Variants in ANK3 observed in about 807,000 individuals in gnomAD.
The protein encoded by ANK3 is ankyrin-3.
ANK3 carries 57 observed loss-of-function variants against 370.9 expected under a neutral mutation model. The ratio of observed to expected loss-of-function variants is 0.15; its 90% CI spans 0.12 to 0.19. The LOEUF (loss-of-function observed/expected upper bound fraction) is 0.19. ANK3 is among the 10% of genes least tolerant of loss of function. ANK3 has a pLI of 1.00. For synonymous variants in ANK3, 1,929 were observed against 1,946.3 expected (o/e 0.99, Z 0.23); for missense variants, 4,439 against 5,302.1 (o/e 0.84, Z 5.06).
intron 7 of ANK3, among the ~76,000 whole-genome samples, chr10:60,261,097 T>C (rs912597857): frequency 6.6e-6 from 1 of 152,156 alleles, no homozygotes; most frequent in African/African-American, 2.4e-5. Context: ...TATTATCTCA[T>C]CTTATAAATG....
intron 28 of ANK3, among the ~76,000 whole-genome samples, chr10:60,099,946 T>G (rs937533829): frequency 6.8e-6 from 1 of 147,996 alleles, no homozygotes. Context: ...GTGCCTGATA[T>G]GGGGGGTGGG....
At chr10:60,594,347 A>C (rs2077958259) in intron 2 of ANK3, among the ~76,000 whole-genome samples, 1 of 152,210 alleles carries the variant, frequency 6.6e-6, no homozygotes, top group South Asian at 2.1e-4. Flanking sequence ...CATACTAGGC[A>C]ACAGTTATTA....
At chr10:60,710,117 T>G (rs951315203) in intron 1 of ANK3, among the ~76,000 whole-genome samples, 11 of 152,280 alleles carry the variant, frequency 7.2e-5, no homozygotes, top group African/African-American at 2.4e-4. Context: ...TTTATGGTAT[T>G]GCACTAACCA....
At chr10:60,174,645 A>G (rs1257505430) in intron 18 of ANK3, among the ~76,000 whole-genome samples, 3 of 152,214 alleles carry the variant, frequency 2.0e-5, no homozygotes, top group Non-Finnish European at 4.4e-5. Flanking sequence ...AAATTCTTTG[A>G]GATTTTAGTC....
chr10:60,171,301 G>T (rs2095787614), intron 21 of ANK3, among the ~76,000 whole-genome samples: 1 of 152,122 alleles, frequency 6.6e-6, no homozygotes, highest in African/African-American at 2.4e-5. Flanking sequence ...TAATCAGCAG[G>T]CTTGTTTTTT....
intron 1 of ANK3, among the ~76,000 whole-genome samples, chr10:60,704,471 G>A (rs1157593613): frequency 6.6e-6 from 1 of 152,014 alleles, no homozygotes; most frequent in Non-Finnish European, 1.5e-5. Flanking sequence ...AAAAAAACAA[G>A]TATCTGAGAA....
intron 2 of ANK3, among the ~76,000 whole-genome samples, chr10:60,395,648 C>G (rs868702585): frequency 5.9e-5 from 6 of 102,172 alleles, no homozygotes; most frequent in Non-Finnish European, 1.3e-4. Flanking sequence ...CTCTCTCTCT[C>G]TCTTTCTTTC....
rs374912651 is a variant in ANK3, at chr10:60,075,140, C to T, written c.5741G>A (p.Arg1914Gln). Residue 1914 changes from arginine (R) to glutamine (Q), a missense_variant, in exon 37 of 44, where the codon CGG (arginine) becomes CAG (glutamine). Coordinates refer to ENST00000280772, the MANE Select transcript of ANK3 (RefSeq NM_020987.5). ...DVAEMKEDLM[R>Q]MTAILQTDVP... is the part of the protein sequence containing the mutation. ...ATCTGTCTGTAGTATTGCGGTCATC[C>T]GCATTAGGTCCTCTTTCATTTCAGC... 27 of 1,613,988 alleles carry T rather than the reference C, an allele frequency of 1.7e-5. No individual in the cohort carries two copies. The highest frequency in any genetic ancestry group is 2.2e-5 in the Non-Finnish European group (26 of 1,180,022).
At chr10:60,636,629 C>T (rs954475867) in intron 1 of ANK3, among the ~76,000 whole-genome samples, 3 of 152,184 alleles carry the variant, frequency 2.0e-5, no homozygotes, top group Non-Finnish European at 4.4e-5. Context: ...TCAAGAAAGA[C>T]TGCTTCAGGC....
intron 7 of ANK3, among the ~76,000 whole-genome samples, chr10:60,243,401 TAAG>T (rs1435150421): frequency 2.6e-5 from 4 of 152,178 alleles, no homozygotes; most frequent in Admixed American, 2.6e-4. Context: ...GGTGGCTTTA[TAAG>T]AAGAGGAGAA....
intron 25 of ANK3, among the ~76,000 whole-genome samples, chr10:60,115,627 T>C (rs930904776): frequency 6.6e-6 from 1 of 152,120 alleles, no homozygotes; most frequent in Non-Finnish European, 1.5e-5. Context: ...TGCTAGAATA[T>C]ACATAAGAAG....
At chr10:60,184,729 T>C (rs1205774506) in intron 17 of ANK3, among the ~76,000 whole-genome samples, 1 of 152,196 alleles carries the variant, frequency 6.6e-6, no homozygotes, top group Non-Finnish European at 1.5e-5. Context: ...GAGGCTAAGA[T>C]GAATTCAAGG....
intron 1 of ANK3, among the ~76,000 whole-genome samples, chr10:60,312,340 G>A (rs138967721): frequency 5.1e-4 from 78 of 152,328 alleles, no homozygotes; most frequent in African/African-American, 1.8e-3. Flanking sequence ...CTGATGGATG[G>A]TGACTGGCAC....
chr10:60,196,153 C>T lies in ANK3; in HGVS notation c.1879G>A (p.Ala627Thr), dbSNP rs760564638. ...TGTGGAATTATAGGTACCTTTGCGG[C>T]TGCGTGAGGTGAGGCTCCTTGGTCC... is the stretch of plus-strand genomic sequence containing the variant. ...LLDQGASPHA[A>T]AKNGYTPLHI... The change falls in exon 16 of 44, where the codon GCC (alanine) becomes ACC (threonine). Residue 627 changes from alanine (A) to threonine (T), a missense_variant. Physicochemically the swap from Ala to Thr is moderately conservative, Grantham distance 58. Coordinates refer to ENST00000280772, the MANE Select transcript of ANK3 (RefSeq NM_020987.5). 1 of 1,613,786 alleles carries T rather than the reference C, an allele frequency of 6.2e-7. No individual in the cohort carries two copies. Among genetic ancestry groups the T allele is most frequent in the South Asian group, 1.1e-5 (1 of 91,064 alleles).
chr10:60,267,530 T>C (rs2097900207), intron 5 of ANK3, among the ~76,000 whole-genome samples: 2 of 152,138 alleles, frequency 1.3e-5, no homozygotes, highest in Non-Finnish European at 2.9e-5. Context: ...GTAAAAACTT[T>C]AAAATATATA....
At position 60,563,257 on chromosome 10, in the gene ANK3, G is replaced by T. The variant is rs573930014; in HGVS notation, c.96+51929C>A. On this transcript the variant is annotated intron_variant, in intron 2 of 43. Coordinates refer to the ANK3 transcript ENST00000373827. ...TATTTTTCCTACCAAACTGAAAACT[G>T]CACTACAGACCTTTGCTATAGTGCT... Among the ~76,000 whole-genome samples the T allele has an allele frequency of 2.6e-5, 4 of 152,224 alleles. No homozygotes were observed. The South Asian group carries it at 6.2e-4, about 24-fold the overall frequency.
At chr10:60,390,278 T>C (rs564899015), upstream of ANK3, among the ~76,000 whole-genome samples, 120 of 152,212 alleles carry the variant, frequency 7.9e-4, no homozygotes, top group Admixed American at 1.4e-3. Context: ...GGGCTTGTTG[T>C]CTTTTAAAAA....
At chr10:60,488,358 T>C (rs2075403011) in intron 2 of ANK3, among the ~76,000 whole-genome samples, 1 of 152,170 alleles carries the variant, frequency 6.6e-6, no homozygotes, top group Non-Finnish European at 1.5e-5. Flanking sequence ...GACGAAGAGC[T>C]CCTGAAAAAT....
rs1459979843 is a variant in ANK3, at chr10:60,414,519, G to T, written c.97-134880C>A. On this transcript the variant is annotated intron_variant, in intron 2 of 43. Transcript: ENST00000373827. ...AATTAATTACAAAACAAAAAAGGTG[G>T]TATATACAAGAAGCTGTACAATTTT... is the stretch of plus-strand genomic sequence containing the variant. 2.6e-5 allele frequency among the ~76,000 whole-genome samples: 4 copies of T among 152,144 alleles called. No individual in the cohort carries two copies. The East Asian group carries it at 7.7e-4, about 29-fold the overall frequency.
Sources: gnomAD v4.1 joint callset for allele counts (sites outside exome capture counted in the v4.1 genomes callset) on GRCh38, gnomAD v4.1.1 for gene constraint, MANE v1.5 for transcripts, NCBI Gene and HGNC (gene_info 2026-07-23, HGNC 2026-07-21) for gene names.